The following CACNA2D3 variants were observed in gnomAD, a reference collection of about 807,000 sequenced individuals.
The protein encoded by CACNA2D3 is calcium voltage-gated channel auxiliary subunit alpha2delta 3, also known as voltage-dependent calcium channel subunit alpha-2/delta-3.
A neutral mutation model predicts 160.6 loss-of-function variants in CACNA2D3; 60 were observed. That is an observed-to-expected ratio of 0.37 (90% CI 0.30 to 0.46). The LOEUF (loss-of-function observed/expected upper bound fraction) is 0.46, where lower values mean the gene tolerates loss of function less well. Ranked by LOEUF, CACNA2D3 falls within the 20% of genes least tolerant of loss-of-function variation. The probability of loss-of-function intolerance (pLI) is 1.00; values close to 1 mark genes in which losing one functional copy is unlikely to be tolerated. For synonymous variants in CACNA2D3, 558 were observed against 492.9 expected, an observed-to-expected ratio of 1.13 and a Z score of -1.75; for missense variants, 1,205 against 1,365.0, an observed-to-expected ratio of 0.88 and a Z score of 1.85.
chr3:54,713,245 G>T (rs1169878354), intron 11 of CACNA2D3, among the ~76,000 whole-genome samples: 4 of 152,214 alleles, frequency 2.6e-5, no homozygotes, highest in African/African-American at 9.6e-5. Context: ...TAGAAGGACA[G>T]AGATCTTAGT....
chr3:54,766,246 T>A (rs1359746905), intron 13 of CACNA2D3, among the ~76,000 whole-genome samples: 1 of 152,086 alleles, frequency 6.6e-6, no homozygotes, highest in Non-Finnish European at 1.5e-5. Context: ...GAAGAATTAA[T>A]AATCTCCAAT....
intron 29 of CACNA2D3, among the ~76,000 whole-genome samples, chr3:54,977,543 T>G (rs997833530): frequency 4.6e-5 from 7 of 152,204 alleles, no homozygotes; most frequent in Non-Finnish European, 2.9e-5. Flanking sequence ...GTTAGAGATG[T>G]TGGAGTAGGG....
intron 27 of CACNA2D3, among the ~76,000 whole-genome samples, chr3:54,966,020 A>G (rs529290447): frequency 6.6e-6 from 1 of 152,136 alleles, no homozygotes. Context: ...GGGGTAGAGG[A>G]CCGACAGGGG....
chr3:54,905,614 C>CG (rs1700434058), intron 27 of CACNA2D3, among the ~76,000 whole-genome samples: 1 of 152,062 alleles, frequency 6.6e-6, no homozygotes, highest in African/African-American at 2.4e-5. Flanking sequence ...AGTTTCCAAC[C>CG]GGGGGTGATT....
chr3:55,055,355 A>G (rs188154951), intron 35 of CACNA2D3, among the ~76,000 whole-genome samples: 73 of 152,188 alleles, frequency 4.8e-4, no homozygotes, highest in African/African-American at 1.4e-3. Context: ...TCAGTTGACC[A>G]TATTTGTACA....
At chr3:54,705,679 A>G (rs1405690995) in intron 11 of CACNA2D3, among the ~76,000 whole-genome samples, 1 of 152,204 alleles carries the variant, frequency 6.6e-6, no homozygotes, top group Non-Finnish European at 1.5e-5. Flanking sequence ...TGTTCCTATA[A>G]CTAAAAGCTT....
Position 55,007,800 on chromosome 3 carries a change from C to A in CACNA2D3, c.2777C>A (p.Ala926Asp), listed in dbSNP as rs1473806689. Residue 926 changes from alanine to aspartate, a missense_variant, in exon 33 of 38, where the codon GCC becomes GAC. By Grantham distance (126) the Ala-to-Asp change is moderately radical. Transcript: ENST00000474759. ...AATTCTTCTCTTCAGCCTTATAATG[C>A]CTTCCTCTCTGCAGTAAAATGGATC... is the stretch of plus-strand genomic sequence containing the variant. ...GAHGLLDPYN[A>D]FLSAVKWIMT... 6 of 1,557,772 alleles carry A rather than the reference C, an allele frequency of 3.9e-6. No homozygotes were observed. The highest frequency in any genetic ancestry group is 5.2e-6 in the Non-Finnish European group (6 of 1,154,754).
chr3:54,897,168 G>A (rs1306259031), intron 26 of CACNA2D3, among the ~76,000 whole-genome samples: 1 of 152,170 alleles, frequency 6.6e-6, no homozygotes, highest in Non-Finnish European at 1.5e-5. Flanking sequence ...TTTAAATGTA[G>A]TCATGGCCCC....
intron 9 of CACNA2D3, among the ~76,000 whole-genome samples, chr3:54,596,487 C>G (rs370861080): frequency 6.6e-5 from 10 of 152,130 alleles, no homozygotes; most frequent in Non-Finnish European, 1.5e-4. Flanking sequence ...GGGTTAGTCT[C>G]CATATGTATG....
At position 54,987,742 on chromosome 3, in the gene CACNA2D3, C is replaced by T; in HGVS notation, c.2679C>T (p.Gly893=). Residue 893 remains glycine, a synonymous_variant, in exon 31 of 38, where the codon GGC becomes GGT. Transcript: ENST00000474759. Reference sequence around the variant, plus strand: ...TGATGAACAAATTGCTAACAATGGGCTCCTTTAAAAGGTAAGGGTTTTATG... The same window carrying T: ...TGATGAACAAATTGCTAACAATGGGTTCCTTTAAAAGGTAAGGGTTTTATG... ...GAVMNKLLTM[G]SFKRITLYDY... 6.2e-7 allele frequency: 1 copy of T among 1,607,946 alleles called. No individual in the cohort carries two copies. Among genetic ancestry groups the T allele is most frequent in the Non-Finnish European group, 8.5e-7 (1 of 1,177,802 alleles).
intron 4 of CACNA2D3, among the ~76,000 whole-genome samples, chr3:54,493,972 C>A (rs934859707): frequency 6.6e-6 from 1 of 152,184 alleles, no homozygotes; most frequent in East Asian, 1.9e-4. Context: ...AATACTTACT[C>A]ATTGAACCAC....
At chr3:54,435,546 G>A (rs1337208095) in intron 4 of CACNA2D3, among the ~76,000 whole-genome samples, 1 of 152,116 alleles carries the variant, frequency 6.6e-6, no homozygotes, top group African/African-American at 2.4e-5. Context: ...AGTGTTGACA[G>A]GGCCCAGTGG....
At chr3:54,386,834 C>A in intron 4 of CACNA2D3, 60 bp downstream of exon 4, 1 of 1,410,790 alleles carries the variant, frequency 7.1e-7, no homozygotes, top group Non-Finnish European at 9.8e-7. Flanking sequence ...GGACAAGTAC[C>A]AGGTATACCA....
At position 54,942,975 on chromosome 3, in the gene CACNA2D3, G is replaced by A. The variant is rs980918696; in HGVS notation, c.2450-25475G>A. On this transcript the variant is annotated intron_variant, in intron 27 of 37. Coordinates refer to ENST00000474759, the MANE Select transcript of CACNA2D3 (RefSeq NM_018398.3). ...GGAGGCGGAGGTTGCAGTGAGCTGA[G>A]ACTGTGCCACTGCACTCCAGCCTGG... Among the ~76,000 whole-genome samples, 8 of 152,146 alleles carry A rather than the reference G, an allele frequency of 5.3e-5. No homozygotes were observed. The South Asian group carries it at 8.3e-4, about 16-fold the overall frequency.
chr3:55,049,965 C>T (rs1213779541), intron 35 of CACNA2D3, among the ~76,000 whole-genome samples: 2 of 150,860 alleles, frequency 1.3e-5, no homozygotes, highest in South Asian at 2.1e-4. Flanking sequence ...GTTAGATCTT[C>T]GTCCATCCTT....
At chr3:54,263,606 A>G (rs1377774411) in intron 2 of CACNA2D3, among the ~76,000 whole-genome samples, 2 of 152,204 alleles carry the variant, frequency 1.3e-5, no homozygotes, top group Admixed American at 6.5e-5. Context: ...AATTCAATCT[A>G]TGAAGCAGTG....
intron 8 of CACNA2D3, among the ~76,000 whole-genome samples, chr3:54,576,491 T>C (rs1004603991): frequency 6.6e-6 from 1 of 152,152 alleles, no homozygotes; most frequent in South Asian, 2.1e-4. Flanking sequence ...GCTGTGTCTG[T>C]AAAAGGGGAG....
At chr3:54,899,290 T>C (rs555814863) in intron 26 of CACNA2D3, among the ~76,000 whole-genome samples, 5 of 152,358 alleles carry the variant, frequency 3.3e-5, no homozygotes, top group African/African-American at 4.8e-5. Context: ...CTGTTTAGAA[T>C]AATTTTGCCC....
chr3:54,130,128 A>T (rs73083946), intron 2 of CACNA2D3, among the ~76,000 whole-genome samples: 20,067 of 152,188 alleles, frequency 0.13, 1,367 homozygotes, highest in Middle Eastern at 0.27. Context: ...ATTATTAAGA[A>T]TTCCAGGATG....
Sources: allele counts gnomAD v4.1 joint callset (sites outside exome capture counted in the v4.1 genomes callset), GRCh38; gene constraint gnomAD v4.1.1; transcripts MANE v1.5; gene names NCBI Gene and HGNC (gene_info 2026-07-23, HGNC 2026-07-21).